FNIP1: variants seen among roughly 807,000 people sequenced by gnomAD.
FNIP1 encodes folliculin-interacting protein 1.
In FNIP1, 40 loss-of-function variants were observed where a neutral mutation model predicts 124.5. The ratio of observed to expected loss-of-function variants is 0.32; its 90% CI spans 0.25 to 0.42. FNIP1 has a LOEUF of 0.42. FNIP1 is among the 10% of genes least tolerant of loss of function. FNIP1 has a pLI of 1.00. For synonymous variants in FNIP1, 472 were observed against 470.6 expected (o/e 1.00, Z -0.04); for missense variants, 1,176 against 1,403.7 (o/e 0.84, Z 2.59).
At chr5:131,783,767 T>C (rs1772073399) in intron 1 of FNIP1, among the ~76,000 whole-genome samples, 1 of 152,096 alleles carries the variant, frequency 6.6e-6, no homozygotes, top group Non-Finnish European at 1.5e-5. Flanking sequence ...CTCAAGACAA[T>C]AGGGCAATGC....
At chr5:131,770,848 G>C (rs953579755) in intron 1 of FNIP1, among the ~76,000 whole-genome samples, 8 of 152,176 alleles carry the variant, frequency 5.3e-5, no homozygotes, top group African/African-American at 1.9e-4. Flanking sequence ...TATACCATCA[G>C]TGTAGAGGCA....
At chr5:131,689,456 T>C (rs1768401357) in intron 11 of FNIP1, among the ~76,000 whole-genome samples, 1 of 152,122 alleles carries the variant, frequency 6.6e-6, no homozygotes, top group Non-Finnish European at 1.5e-5. Flanking sequence ...TTTAGGGTAA[T>C]AAAAATGACA....
At chr5:131,661,220 T>TTGTG (rs370206265) in intron 15 of FNIP1, among the ~76,000 whole-genome samples, 398 of 147,728 alleles carry the variant, frequency 2.7e-3, no homozygotes, top group African/African-American at 5.8e-3. Flanking sequence ...TGTCTTTGTT[T>TTGTG]TGTGTGTGTG....
At chr5:131,783,046 CG>C (rs747947325) in intron 1 of FNIP1, among the ~76,000 whole-genome samples, 18 of 152,332 alleles carry the variant, frequency 1.2e-4, no homozygotes, top group Admixed American at 1.1e-3. Flanking sequence ...CAGACTACAG[CG>C]TAGTGTAAAT....
intron 1 of FNIP1, among the ~76,000 whole-genome samples, chr5:131,771,020 G>A (rs1247322154): frequency 1.3e-5 from 2 of 152,054 alleles, no homozygotes; most frequent in Non-Finnish European, 2.9e-5. Context: ...CATGTGCCAT[G>A]CTAGTGCGCT....
At chr5:131,773,454 T>C (rs995872700) in intron 1 of FNIP1, among the ~76,000 whole-genome samples, 2 of 152,172 alleles carry the variant, frequency 1.3e-5, no homozygotes, top group African/African-American at 4.8e-5. Context: ...GAATGAATTG[T>C]AGTTAGAGAT....
At chr5:131,719,089 C>A in intron 4 of FNIP1, 29 bp from the exon 5 acceptor site, 1 of 1,590,896 alleles carries the variant, frequency 6.3e-7, no homozygotes, top group South Asian at 1.1e-5. Flanking sequence ...AGAGAGAGAC[C>A]AAAACTAAAA....
At chr5:131,732,506 A>G (rs923514800) in intron 2 of FNIP1, among the ~76,000 whole-genome samples, 2 of 152,186 alleles carry the variant, frequency 1.3e-5, no homozygotes, top group East Asian at 3.8e-4. Flanking sequence ...TAATTTTTGT[A>G]TAAGGTGTAA....
In FNIP1 at chr5:131,782,320, G is replaced by A. The variant is rs555035108; in HGVS notation, c.92+14510C>T. The stretch of plus-strand genomic sequence containing the variant: ...TCCCAGCACCTTGGGAGGCTGAGAC[G>A]GGGGGATCTCTTGAGCCCAGGAGTT... On this transcript the variant is annotated intron_variant, in intron 1 of 17. Coordinates refer to ENST00000510461, the MANE Select transcript of FNIP1 (RefSeq NM_133372.3). 5.3e-5 allele frequency among the ~76,000 whole-genome samples: 8 copies of A among 152,170 alleles called. No homozygotes were observed. The East Asian group carries it at 5.8e-4, about 11-fold the overall frequency.
At chr5:131,769,026 G>A (rs1771537359) in intron 1 of FNIP1, among the ~76,000 whole-genome samples, 1 of 152,050 alleles carries the variant, frequency 6.6e-6, no homozygotes, top group Non-Finnish European at 1.5e-5. Flanking sequence ...CTAATACAAT[G>A]TCAAGCTTTT....
intron 11 of FNIP1, among the ~76,000 whole-genome samples, chr5:131,693,325 TATATA>T: frequency 1.6e-5 from 1 of 60,662 alleles, no homozygotes; most frequent in Non-Finnish European, 3.2e-5. Context: ...TACACATATA[TATATA>T]TACATATATA....
At chr5:131,670,727 A>G in intron 14 of FNIP1, 96 bp from the exon 15 acceptor site, 1 of 864,804 alleles carries the variant, frequency 1.2e-6, no homozygotes, top group Non-Finnish European at 1.7e-6. Context: ...TCCATATTTT[A>G]CACTAGTCTG....
chr5:131,719,507 G>T, intron 3 of FNIP1, 90 bp from the exon 4 acceptor site: 2 of 1,170,654 alleles, frequency 1.7e-6, no homozygotes, highest in Non-Finnish European at 2.4e-6. Flanking sequence ...TCTTGATATA[G>T]TTATTCTACA....
At position 131,704,197 on chromosome 5, in the gene FNIP1, C is replaced by T. The variant is rs1768998058; in HGVS notation, c.984G>A (p.Lys328=). 6.2e-7 allele frequency: 1 copy of T among 1,613,586 alleles called. No homozygotes were observed. Among genetic ancestry groups the T allele is most frequent in the African/African-American group, 1.3e-5 (1 of 74,902 alleles). Residue 328 remains lysine (K), a synonymous_variant, in exon 10 of 18, where the codon AAG becomes AAA. Transcript: ENST00000510461. ...AAAAGATTACCCCAATTGCAATCTT[C>T]TTTTTCCGCACAATTCCTGGGTTAG... ...CGPNPGIVRK[K]KIAIGVIFSL...
rs896819953 is a variant in FNIP1, at chr5:131,643,248, AC to A, written c.*1436del. On this transcript the variant is annotated 3_prime_UTR_variant, in exon 18 of 18. Transcript: ENST00000510461. ...TGCTGTAAATTCAAGGTCAAAGACAACTTTCCATTAACTATTGAAAATTTAA... is the reference window on the plus strand; with the variant it reads ...TGCTGTAAATTCAAGGTCAAAGACAATTTCCATTAACTATTGAAAATTTAA... The A allele has an allele frequency of 6.6e-6, 1 of 152,434 alleles. No homozygotes were observed. The highest frequency in any genetic ancestry group is 2.4e-5 in the African/African-American group (1 of 41,464). 9.4% of individuals were successfully genotyped at this position (152,434 alleles called of 1,614,324 possible).
chr5:131,659,110 C>T (rs1183374633), intron 15 of FNIP1, among the ~76,000 whole-genome samples: 2 of 152,182 alleles, frequency 1.3e-5, no homozygotes, highest in African/African-American at 4.8e-5. Context: ...TGCTGACCCA[C>T]ATCTGCTGGA....
intron 1 of FNIP1, among the ~76,000 whole-genome samples, chr5:131,753,225 C>A (rs1252172933): frequency 6.6e-6 from 1 of 152,158 alleles, no homozygotes; most frequent in East Asian, 1.9e-4. Flanking sequence ...AAGTGTACAA[C>A]CATTTTTGGA....
Position 131,709,245 on chromosome 5 carries a change from C to T in FNIP1, c.734G>A (p.Gly245Glu), listed in dbSNP as rs1769213139. 2 of 1,614,058 alleles carry T rather than the reference C, an allele frequency of 1.2e-6. No homozygotes were observed. Among genetic ancestry groups the T allele is most frequent in the Non-Finnish European group, 1.7e-6 (2 of 1,179,960 alleles). The change falls in exon 8 of 18, where the codon GGA becomes GAA. Residue 245 changes from glycine to glutamate, a missense_variant. Physicochemically the swap from Gly to Glu is moderately conservative, Grantham distance 98. Coordinates refer to ENST00000510461, the MANE Select transcript of FNIP1 (RefSeq NM_133372.3). Reference protein sequence around the residue: ...AVHSNPMDMPGRELNEDRDSG... With the variant: ...AVHSNPMDMPERELNEDRDSG... ...GTCTCTGTCCTCATTGAGCTCTCTT[C>T]CAGGCATGTCCATTGGGTTGCTGTG... is the stretch of plus-strand genomic sequence containing the variant.
chr5:131,652,093 GA>G (rs898344564), intron 15 of FNIP1, 94 bp from the exon 16 acceptor site: 38 of 1,171,930 alleles, frequency 3.2e-5, no homozygotes, highest in Middle Eastern at 2.0e-4. Context: ...AACAAAAACA[GA>G]AAAAAAAATT....
Sources: allele counts gnomAD v4.1 joint callset (sites outside exome capture counted in the v4.1 genomes callset), GRCh38; gene constraint gnomAD v4.1.1; transcripts MANE v1.5; gene names NCBI Gene and HGNC (gene_info 2026-07-23, HGNC 2026-07-21).